The following ABCB4 variants were observed in gnomAD, a reference collection of about 807,000 sequenced individuals.
ABCB4 encodes the protein ATP binding cassette subfamily B member 4, also known as phosphatidylcholine translocator ABCB4.
A neutral mutation model predicts 145.7 loss-of-function variants in ABCB4; 76 were observed. The ratio of observed to expected loss-of-function variants is 0.52; its 90% CI spans 0.43 to 0.63. ABCB4 has a LOEUF of 0.63. Ranked by LOEUF, ABCB4 falls within the 30% of genes least tolerant of loss-of-function variation. ABCB4 has a pLI of 0.00. For synonymous variants in ABCB4, 517 were observed against 566.8 expected (o/e 0.91, Z 1.25); for missense variants, 1,234 against 1,553.1 (o/e 0.79, Z 3.45).
chr7:87,472,485 A>G lies in ABCB4; in HGVS notation c.135+136T>C, dbSNP rs1370766429. ...GCAACCCTCCCACCTCAGTCTCCCA[A>G]AGTGCTGGGATTACAAGTATGAGTC... On this transcript the variant is annotated intron_variant, in intron 3 of 27. Transcript: ENST00000649586. 5.2e-6 allele frequency: 4 copies of G among 764,000 alleles called. No homozygotes were observed. The East Asian group carries it at 7.5e-5, about 14-fold the overall frequency. The allele number at this position is 764,000 out of a possible 1,614,324, so 47.3% of individuals were successfully genotyped here. A position where few individuals can be genotyped will look rare whatever the true frequency, so the allele number is the denominator to read the frequency against.
the ABCB4 span, chr7:87,375,140 A>T: frequency 6.5e-6 from 1 of 154,200 alleles, no homozygotes; most frequent in Non-Finnish European, 1.4e-5. Flanking sequence ...GAAAATAGTT[A>T]AAACTGATTA....
At chr7:87,409,826 G>A (rs948930347) in intron 23 of ABCB4, among the ~76,000 whole-genome samples, 4 of 152,072 alleles carry the variant, frequency 2.6e-5, no homozygotes, top group East Asian at 3.8e-4. Context: ...ATAAAGCTCT[G>A]GCCCTGACTT....
chr7:87,377,963 G>A, the ABCB4 span, among the ~76,000 whole-genome samples: 1 of 152,006 alleles, frequency 6.6e-6, no homozygotes, highest in Non-Finnish European at 1.5e-5. Context: ...CTTCTCCTCT[G>A]TTCCCCTCCC....
At chr7:87,377,473 T>C in the ABCB4 span, 2 of 1,350,586 alleles carry the variant, frequency 1.5e-6, no homozygotes, top group Non-Finnish European at 2.1e-6. Context: ...CTGAAATTTT[T>C]CTCTTTTGAT....
intron 12 of ABCB4, among the ~76,000 whole-genome samples, chr7:87,441,580 C>T (rs1810994572): frequency 6.9e-6 from 1 of 144,338 alleles, no homozygotes; most frequent in Non-Finnish European, 1.5e-5. Flanking sequence ...TATTTTTGTC[C>T]TTTTTTTTTT....
chr7:87,366,002 C>T, the ABCB4 span, among the ~76,000 whole-genome samples: 1 of 152,118 alleles, frequency 6.6e-6, no homozygotes, highest in Non-Finnish European at 1.5e-5. Flanking sequence ...ACACAAAAAG[C>T]CCAGACTGTT....
intron 14 of ABCB4, among the ~76,000 whole-genome samples, chr7:87,437,668 C>T (rs540925351): frequency 1.3e-5 from 2 of 152,126 alleles, no homozygotes; most frequent in South Asian, 2.1e-4. Flanking sequence ...GATACTATTT[C>T]TGTCCCCTCT....
intron 14 of ABCB4, among the ~76,000 whole-genome samples, chr7:87,435,612 A>G (rs1304843240): frequency 1.3e-5 from 2 of 152,172 alleles, no homozygotes; most frequent in South Asian, 2.1e-4. Context: ...GCCATCCCCA[A>G]CTGCCAGGCA....
the ABCB4 span, among the ~76,000 whole-genome samples, chr7:87,370,374 G>A: frequency 6.6e-6 from 1 of 152,084 alleles, no homozygotes; most frequent in African/African-American, 2.4e-5. Context: ...GTAGGGATGA[G>A]GTTTTGCCGT....
rs534530392 is a variant in ABCB4 at position 87,434,532 on chromosome 7, G to A, written c.1732-2967C>T. Among the ~76,000 whole-genome samples, 7 of 152,102 alleles carry A rather than the reference G, an allele frequency of 4.6e-5. No homozygotes were observed. The East Asian group carries it at 7.8e-4, about 17-fold the overall frequency. On this transcript the variant is annotated intron_variant, in intron 14 of 27. Coordinates refer to ENST00000649586, the MANE Select transcript of ABCB4 (RefSeq NM_000443.4). The stretch of plus-strand genomic sequence containing the variant: ...TGGGAGGCCGAGGCAGGCGAATCAC[G>A]AGATCAAGACATTGAGACCATCCTG...
chr7:87,398,548 G>C, downstream of ABCB4: 1 of 1,613,742 alleles, frequency 6.2e-7, no homozygotes, highest in Non-Finnish European at 8.5e-7. Context: ...GTTCAGCCTG[G>C]AAATCCTGTC....
At chr7:87,366,519 C>T in the ABCB4 span, among the ~76,000 whole-genome samples, 6 of 152,156 alleles carry the variant, frequency 3.9e-5, no homozygotes, top group Non-Finnish European at 8.8e-5. Context: ...CAATTGTAGA[C>T]GATCCATAGG....
chr7:87,443,535 A>T, intron 11 of ABCB4, 91 bp from the exon 12 acceptor site: 1 of 1,571,038 alleles, frequency 6.4e-7, no homozygotes, highest in Non-Finnish European at 8.7e-7. Flanking sequence ...AAAAAAAAGT[A>T]TCAAATAAGG....
intron 3 of ABCB4, among the ~76,000 whole-genome samples, chr7:87,469,117 A>G (rs1286343164): frequency 6.6e-6 from 1 of 152,216 alleles, no homozygotes; most frequent in African/African-American, 2.4e-5. Context: ...AACCAAAGAA[A>G]AAAACCACAT....
chr7:87,432,460 A>T (rs575942233), intron 14 of ABCB4, among the ~76,000 whole-genome samples: 1 of 152,350 alleles, frequency 6.6e-6, no homozygotes, highest in East Asian at 1.9e-4. Context: ...ATAGGCAAAA[A>T]GTGGAAACAA....
intron 3 of ABCB4, among the ~76,000 whole-genome samples, chr7:87,463,635 G>A (rs1182878800): frequency 6.6e-6 from 1 of 152,178 alleles, no homozygotes; most frequent in East Asian, 1.9e-4. Flanking sequence ...GAAACTACAT[G>A]GAATGCTTAA....
At chr7:87,463,292 A>C (rs983251100) in intron 3 of ABCB4, among the ~76,000 whole-genome samples, 4 of 152,018 alleles carry the variant, frequency 2.6e-5, no homozygotes, top group African/African-American at 9.7e-5. Context: ...CCTTTAAAAA[A>C]GCATTCAGAA....
At chr7:87,391,475 C>CTG in the ABCB4 span, 26 of 953,108 alleles carry the variant, frequency 2.7e-5, no homozygotes, top group Non-Finnish European at 3.7e-5. Context: ...TCCAACCTAT[C>CTG]TGTGTTAAAG....
chr7:87,441,510 T>C (rs1484730158), intron 12 of ABCB4, among the ~76,000 whole-genome samples: 3 of 152,076 alleles, frequency 2.0e-5, no homozygotes, highest in Non-Finnish European at 4.4e-5. Flanking sequence ...TCATATTAAC[T>C]TCTCTAATAA....
Sources: gnomAD v4.1 joint callset for allele counts (sites outside exome capture counted in the v4.1 genomes callset) on GRCh38, gnomAD v4.1.1 for gene constraint, MANE v1.5 for transcripts, NCBI Gene and HGNC (gene_info 2026-07-23, HGNC 2026-07-21) for gene names.